The following WDFY4 variants were observed in gnomAD, a reference collection of about 807,000 sequenced individuals.
WDFY4 encodes WDFY family member 4, also known as WD repeat- and FYVE domain-containing protein 4.
In WDFY4, 169 loss-of-function variants were observed where a neutral mutation model predicts 351.9. That is an observed-to-expected ratio of 0.48 (90% CI 0.42 to 0.55). WDFY4 has a LOEUF of 0.55. WDFY4 is among the 20% of genes least tolerant of loss of function. The probability of loss-of-function intolerance (pLI) is 0.00; values close to 1 mark genes in which losing one functional copy is unlikely to be tolerated. For missense variants in WDFY4, 3,803 were observed against 3,935.6 expected, an observed-to-expected ratio of 0.97 and a Z score of 0.90; for synonymous variants, 1,622 against 1,574.6, an observed-to-expected ratio of 1.03 and a Z score of -0.71.
At chr10:48,687,395 T>C (rs2063077082) in intron 1 of WDFY4, among the ~76,000 whole-genome samples, 1 of 152,164 alleles carries the variant, frequency 6.6e-6, no homozygotes, top group Admixed American at 6.5e-5. Context: ...TTTATACTTG[T>C]TATGTGTTAT....
intron 30 of WDFY4, 86 bp from the exon 31 acceptor site, chr10:48,813,871 C>T (rs2067534330): frequency 1.4e-6 from 2 of 1,385,620 alleles, no homozygotes; most frequent in East Asian, 2.7e-5. Context: ...ACTGGGAACC[C>T]CTGGAAACAT....
rs1363048961 is a variant in WDFY4 at position 48,731,102 on chromosome 10, C to T, written c.1130-8C>T. ...GACTTGTAAGATCATTCTTGTTTTC[C>T]TCCTCAGGGGTGACTGTTAAGAATC... On this transcript the variant is annotated splice_region_variant and splice_polypyrimidine_tract_variant and intron_variant, in intron 8 of 61. Transcript: ENST00000325239. 1.1e-5 allele frequency: 17 copies of T among 1,511,114 alleles called. No individual in the cohort carries two copies. Among genetic ancestry groups the T allele is most frequent in the Non-Finnish European group, 1.5e-5 (17 of 1,124,522 alleles). 93.6% of individuals were successfully genotyped at this position (1,511,114 alleles called of 1,614,324 possible).
chr10:48,870,994 C>T (rs894003031), intron 40 of WDFY4, among the ~76,000 whole-genome samples: 4 of 151,946 alleles, frequency 2.6e-5, no homozygotes, highest in East Asian at 1.9e-4. Flanking sequence ...AGTGCAGTGG[C>T]GCTATCTCGG....
Position 48,810,426 on chromosome 10 carries a change from C to T in WDFY4, c.4839-104C>T, listed in dbSNP as rs1040556030. 60 of 1,083,868 alleles carry T rather than the reference C, an allele frequency of 5.5e-5. No homozygotes were observed. In the African/African-American group the frequency reaches 9.2e-4, roughly 17 times the overall value. The allele number at this position is 1,083,868 out of a possible 1,614,324, so 67.1% of individuals were successfully genotyped here. A position where few individuals can be genotyped will look rare whatever the true frequency, so the allele number is the denominator to read the frequency against. On this transcript the variant is annotated intron_variant, in intron 28 of 61. Coordinates refer to ENST00000325239, the MANE Select transcript of WDFY4 (RefSeq NM_001394531.1). ...ACATAATAAGTGATGTTAACCTTAA[C>T]TTGCCTCTCCTTGGTGACTTGTAAG...
At chr10:48,701,837 C>T (rs1280532186) in intron 1 of WDFY4, among the ~76,000 whole-genome samples, 1 of 152,000 alleles carries the variant, frequency 6.6e-6, no homozygotes, top group Non-Finnish European at 1.5e-5. Flanking sequence ...ATAGATGATA[C>T]AGAGATAAAA....
At chr10:48,741,844 C>G (rs1363710114) in intron 11 of WDFY4, among the ~76,000 whole-genome samples, 4 of 152,182 alleles carry the variant, frequency 2.6e-5, no homozygotes, top group Non-Finnish European at 4.4e-5. Flanking sequence ...TCTCCGCAGT[C>G]TACTAAGGAA....
chr10:48,966,364 C>A (rs549972985), intron 54 of WDFY4, among the ~76,000 whole-genome samples, 162 bp from the exon 55 acceptor site: 2 of 152,180 alleles, frequency 1.3e-5, no homozygotes, highest in Non-Finnish European at 2.9e-5. Context: ...TCATCTGCAG[C>A]GTCTGAGGGC....
chr10:48,945,866 T>G lies in WDFY4; in HGVS notation c.7750-174T>G, dbSNP rs191633403. ...TTTTTCATTTCTCCCTTTTTAAGTC[T>G]TTGTGGATCACTGGCTCTGGGGCCA... On this transcript the variant is annotated intron_variant, in intron 49 of 61. Transcript: ENST00000325239. 2.4e-3 allele frequency among the ~76,000 whole-genome samples: 368 copies of G among 152,358 alleles called. 2 individuals carry two copies. The highest frequency in any genetic ancestry group is 8.4e-3 in the African/African-American group (350 of 41,582).
intron 39 of WDFY4, among the ~76,000 whole-genome samples, chr10:48,852,882 C>T (rs1472441057): frequency 6.6e-6 from 1 of 152,146 alleles, no homozygotes; most frequent in Non-Finnish European, 1.5e-5. Context: ...CTGCCAAGCT[C>T]CCCTCAGCCT....
Position 48,828,822 on chromosome 10 carries a change from C to G in WDFY4, c.6266C>G (p.Thr2089Ser). Reference protein sequence around the residue: ...FGLEPKPRMSTYHQVFLSPNE... With the variant: ...FGLEPKPRMSSYHQVFLSPNE... ...TTGGAGCCCAAGCCTAGAATGTCTA[C>G]TTATCATCAAGTCTTCCTTTCCCCA... The change falls in exon 37 of 62, where the codon ACT becomes AGT. Residue 2089 changes from threonine (T) to serine (S), a missense_variant. Coordinates refer to ENST00000325239, the MANE Select transcript of WDFY4 (RefSeq NM_001394531.1). 6.5e-7 allele frequency: 1 copy of G among 1,548,638 alleles called. No individual in the cohort carries two copies. The highest frequency in any genetic ancestry group is 8.7e-7 in the Non-Finnish European group (1 of 1,145,784).
chr10:48,870,046 A>T (rs958243792), intron 40 of WDFY4, among the ~76,000 whole-genome samples: 3 of 152,208 alleles, frequency 2.0e-5, no homozygotes, highest in African/African-American at 7.2e-5. Flanking sequence ...TGAGGGTGCC[A>T]TTCCCAGCCC....
intron 39 of WDFY4, among the ~76,000 whole-genome samples, chr10:48,859,111 T>C (rs1157208996): frequency 6.6e-6 from 1 of 152,202 alleles, no homozygotes; most frequent in Non-Finnish European, 1.5e-5. Flanking sequence ...AATTTTGTTT[T>C]GTTTTGCTTT....
At chr10:48,750,580 C>T (rs1370021736) in intron 12 of WDFY4, among the ~76,000 whole-genome samples, 2 of 152,264 alleles carry the variant, frequency 1.3e-5, no homozygotes, top group Non-Finnish European at 2.9e-5. Context: ...GATCCCACTG[C>T]CTCACATTTC....
chr10:48,812,325 G>A (rs1308880528), intron 30 of WDFY4, among the ~76,000 whole-genome samples: 2 of 151,824 alleles, frequency 1.3e-5, no homozygotes, highest in African/African-American at 4.8e-5. Context: ...AAGTAGCTGG[G>A]ATTACAGGTA....
chr10:48,921,637 G>T (rs1046279975), intron 47 of WDFY4, among the ~76,000 whole-genome samples: 3 of 152,034 alleles, frequency 2.0e-5, no homozygotes, highest in African/African-American at 7.2e-5. Flanking sequence ...GAAAAGACAA[G>T]CTACAGACTG....
Position 48,964,021 on chromosome 10 carries a change from G to T in WDFY4, c.8403G>T (p.Gly2801=). 6.5e-7 allele frequency: 1 copy of T among 1,550,136 alleles called. No individual in the cohort carries two copies. Among genetic ancestry groups the T allele is most frequent in the Non-Finnish European group, 8.7e-7 (1 of 1,146,964 alleles). ...TDPLIKSTIL[G]FVSNFGQVPK... ...CCCTCATCAAAAGCACCATCCTGGG[G>T]TTTGTCAGCAACTTTGGACAGGTGC... The change falls in exon 54 of 62, where the codon GGG becomes GGT. Residue 2801 remains glycine (G), a synonymous_variant. Transcript: ENST00000325239.
At position 48,906,448 on chromosome 10, in the gene WDFY4, C is replaced by T. The variant is rs79589382; in HGVS notation, c.7586+4585C>T. Among the ~76,000 whole-genome samples, 1,130 of 152,274 alleles carry T rather than the reference C, an allele frequency of 7.4e-3. 21 individuals are homozygous for T. The highest frequency in any genetic ancestry group is 0.026 in the African/African-American group (1,085 of 41,560). Reference sequence around the variant, plus strand: ...TGCAAAGCCTGCGTGAATCCTGTCCCAATGGTACAGGACTGAACCTTTTGA... The same window carrying T: ...TGCAAAGCCTGCGTGAATCCTGTCCTAATGGTACAGGACTGAACCTTTTGA... On this transcript the variant is annotated intron_variant, in intron 47 of 61. Transcript: ENST00000325239.
chr10:48,826,564 GC>G (rs2068018536), intron 35 of WDFY4, 106 bp from the exon 36 acceptor site: 2 of 803,406 alleles, frequency 2.5e-6, no homozygotes, highest in African/African-American at 3.5e-5. Flanking sequence ...TGGGCGGTAA[GC>G]CATGTCACTT....
chr10:48,814,897 C>A (rs917912150), intron 31 of WDFY4, among the ~76,000 whole-genome samples: 1 of 152,310 alleles, frequency 6.6e-6, no homozygotes. Context: ...ACCACATGTA[C>A]CCCTTTTGCC....
Sources: allele counts gnomAD v4.1 joint callset (sites outside exome capture counted in the v4.1 genomes callset), GRCh38; gene constraint gnomAD v4.1.1; transcripts MANE v1.5; gene names NCBI Gene and HGNC (gene_info 2026-07-23, HGNC 2026-07-21).